Variants in ZNF253 observed in about 807,000 individuals in gnomAD.
The protein encoded by ZNF253 is DNA-binding protein.
Under a neutral mutation model 11.9 loss-of-function variants are expected in ZNF253, and 8 were observed. That is an observed-to-expected ratio of 0.67 (90% CI 0.40 to 1.22). ZNF253 has a LOEUF of 1.22. Among genes scored for constraint, ZNF253 ranks in the 50% most tolerant of loss-of-function variants. ZNF253 has a pLI of 0.01. For synonymous variants in ZNF253, 194 were observed against 194.9 expected (o/e 1.00, Z 0.04); for missense variants, 485 against 586.9 (o/e 0.83, Z 1.79).
At chr19:19,878,675 GT>G in intron 2 of ZNF253, 68 bp downstream of exon 2, 1 of 1,524,000 alleles carries the variant, frequency 6.6e-7, no homozygotes, top group Non-Finnish European at 8.8e-7. Flanking sequence ...TTTGTAGAAT[GT>G]TTGTTAGTAA....
At position 19,893,213 on chromosome 19, in the gene ZNF253, GGTGATCCAC is replaced by G. The variant is rs895586975; in HGVS notation, c.*467_*475del. ...GGCTGGTCTCGAACTCCTGACCTCA[GGTGATCCAC>G]CTGCCTTGGCCTTCCAAAGTGCTGG... On this transcript the variant is annotated 3_prime_UTR_variant, in exon 4 of 4. Coordinates refer to ENST00000589717, the MANE Select transcript of ZNF253 (RefSeq NM_021047.3). 6.3e-6 allele frequency: 1 copy of G among 159,010 alleles called. No homozygotes were observed. The highest frequency in any genetic ancestry group is 2.4e-5 in the African/African-American group (1 of 41,440). 9.8% of individuals were successfully genotyped at this position (159,010 alleles called of 1,614,324 possible). A position where few individuals can be genotyped will look rare whatever the true frequency, so the allele number is the denominator to read the frequency against.
At chr19:19,873,011 A>G (rs187717761) in intron 1 of ZNF253, among the ~76,000 whole-genome samples, 29 of 152,290 alleles carry the variant, frequency 1.9e-4, no homozygotes, top group African/African-American at 7.0e-4. Flanking sequence ...ACGTACAGAA[A>G]ACTAACAAAA....
At position 19,893,533 on chromosome 19, in the gene ZNF253, C is replaced by T. The variant is rs560556364; in HGVS notation, c.*786C>T. ...GGTGATAGAAGTCATACTGCCAAAA[C>T]TCCTGTAAGTGTGAAGAATGTGGCA... On this transcript the variant is annotated 3_prime_UTR_variant, in exon 4 of 4. Transcript: ENST00000589717. 1.3e-5 allele frequency: 2 copies of T among 152,232 alleles called. No individual in the cohort carries two copies. Among genetic ancestry groups the T allele is most frequent in the East Asian group, 3.9e-4 (2 of 5,180 alleles). The allele number at this position is 152,232 out of a possible 1,614,324, so 9.4% of individuals were successfully genotyped here.
chr19:19,883,006 T>G lies in ZNF253; in HGVS notation c.226+2860T>G, dbSNP rs141804226. On this transcript the variant is annotated intron_variant, in intron 3 of 3. Transcript: ENST00000589717. The stretch of plus-strand genomic sequence containing the variant: ...AAAAAGATAAATTATGCATGTTTAT[T>G]ACAATCAGATTACATATGTATGTGT... Among the ~76,000 whole-genome samples the G allele has an allele frequency of 2.0e-4, 31 of 152,288 alleles. 1 individual carries two copies. Among genetic ancestry groups the G allele is most frequent in the Admixed American group, 2.0e-3 (31 of 15,286 alleles).
rs779006453 is a variant in ZNF253, at chr19:19,892,506, G to A, written c.1259G>A (p.Gly420Glu). Residue 420 changes from glycine to glutamate, a missense_variant, in exon 4 of 4, where the codon GGA becomes GAA. By Grantham distance (98) the Gly-to-Glu change is moderately conservative. Transcript: ENST00000589717. The stretch of plus-strand genomic sequence containing the variant: ...TCCAAACATAAAAGAACTCATACTG[G>A]AGAGAAACCCTACAAATGTGAAGAA... ...ILSKHKRTHT[G>E]EKPYKCEECG... 1.9e-6 allele frequency: 3 copies of A among 1,613,742 alleles called. No individual in the cohort carries two copies. The Admixed American group carries it at 5.0e-5, about 27-fold the overall frequency.
intron 1 of ZNF253, among the ~76,000 whole-genome samples, chr19:19,866,877 G>T (rs1008088283): frequency 2.0e-5 from 3 of 152,166 alleles, no homozygotes; most frequent in Admixed American, 6.5e-5. Flanking sequence ...AATAAGGAAG[G>T]GGTTCGGGTC....
At position 19,872,577 on chromosome 19, in the gene ZNF253, A is replaced by ATATATATATATATATATATATATAT. The variant is rs1555777035; in HGVS notation, c.4-5901_4-5900insATATATATATATATATATATATTAT. The stretch of plus-strand genomic sequence containing the variant: ...AAACCATAACTATATATATATATAT[A>ATATATATATATATATATATATATAT]TATTATTATATATATATATATATAA... On this transcript the variant is annotated intron_variant, in intron 1 of 3. Coordinates refer to ENST00000589717, the MANE Select transcript of ZNF253 (RefSeq NM_021047.3). Among the ~76,000 whole-genome samples the ATATATATATATATATATATATATAT allele has an allele frequency of 1.6e-4, 17 of 106,780 alleles. 1 individual carries two copies. Among genetic ancestry groups the ATATATATATATATATATATATATAT allele is most frequent in the African/African-American group, 7.8e-4 (14 of 17,872 alleles). 70.1% of individuals were successfully genotyped at this position (106,780 alleles called of 152,430 possible).
In ZNF253 at chr19:19,884,667, TC is replaced by T. The variant is rs201440868; in HGVS notation, c.226+4522del. 6.1e-3 allele frequency among the ~76,000 whole-genome samples: 925 copies of T among 152,226 alleles called. 11 individuals are homozygous for T. The highest frequency in any genetic ancestry group is 0.02 in the African/African-American group (841 of 41,542). On this transcript the variant is annotated intron_variant, in intron 3 of 3. Coordinates refer to ENST00000589717, the MANE Select transcript of ZNF253 (RefSeq NM_021047.3). ...GATTACAGGCTTGAGCCACTACACTTCGCCTGTGTTATGTATTTTAGATATA... is the reference window on the plus strand; with the variant it reads ...GATTACAGGCTTGAGCCACTACACTTGCCTGTGTTATGTATTTTAGATATA...
chr19:19,885,219 C>CTT (rs1261887028), intron 3 of ZNF253, among the ~76,000 whole-genome samples: 1 of 51,132 alleles, frequency 2.0e-5, no homozygotes, highest in Non-Finnish European at 3.6e-5. Flanking sequence ...TTTTTGTATT[C>CTT]TTTCTTTCTT....
At chr19:19,875,277 A>T (rs1486709975) in intron 1 of ZNF253, among the ~76,000 whole-genome samples, 2 of 152,238 alleles carry the variant, frequency 1.3e-5, no homozygotes, top group Non-Finnish European at 2.9e-5. Context: ...GCTAACAGAG[A>T]CATTCTATTT....
chr19:19,872,577 A>ATATATATATATATATATAT (rs1555777035), intron 1 of ZNF253, among the ~76,000 whole-genome samples: 1 of 106,828 alleles, frequency 9.4e-6, no homozygotes, highest in Non-Finnish European at 1.7e-5. Context: ...ATATATATAT[A>ATATATATATATATATATAT]TATTATTATA....
intron 1 of ZNF253, among the ~76,000 whole-genome samples, chr19:19,875,508 G>T (rs1267678876): frequency 2.6e-5 from 4 of 151,986 alleles, no homozygotes; most frequent in African/African-American, 7.3e-5. Flanking sequence ...CCATTCTCCT[G>T]CCTCAGCCTC....
chr19:19,892,773 A>G lies in ZNF253; in HGVS notation c.*26A>G. The G allele has an allele frequency of 1.3e-6, 2 of 1,549,154 alleles. No individual in the cohort carries two copies. Among genetic ancestry groups the G allele is most frequent in the Non-Finnish European group, 1.7e-6 (2 of 1,151,482 alleles). ...TTCATACTGGAGAGAAACCCTATGA[A>G]TGTGATGAATGTGGGAAAGCCTTTA... On this transcript the variant is annotated 3_prime_UTR_variant, in exon 4 of 4. Coordinates refer to ENST00000589717, the MANE Select transcript of ZNF253 (RefSeq NM_021047.3).
rs2063243847 is a variant in ZNF253, at chr19:19,893,784, T to C, written c.*1037T>C. The stretch of plus-strand genomic sequence containing the variant: ...AGAATATTTATTCTGAAGACAGCCA[T>C]TACAAATATAAAGGGGGTTGTAGTG... On this transcript the variant is annotated 3_prime_UTR_variant, in exon 4 of 4. Coordinates refer to ENST00000589717, the MANE Select transcript of ZNF253 (RefSeq NM_021047.3). 1 of 152,182 alleles carries C rather than the reference T, an allele frequency of 6.6e-6. No homozygotes were observed. Among genetic ancestry groups the C allele is most frequent in the Non-Finnish European group, 1.5e-5 (1 of 68,022 alleles). 9.4% of individuals were successfully genotyped at this position (152,182 alleles called of 1,614,324 possible).
At chr19:19,882,192 TAAA>T (rs57408628) in intron 3 of ZNF253, among the ~76,000 whole-genome samples, 2 of 136,116 alleles carry the variant, frequency 1.5e-5, no homozygotes, top group African/African-American at 5.1e-5. Flanking sequence ...TCCGTCTCAA[TAAA>T]AAAAAAAAAA....
At chr19:19,884,156 T>C (rs2063189301) in intron 3 of ZNF253, among the ~76,000 whole-genome samples, 1 of 152,058 alleles carries the variant, frequency 6.6e-6, no homozygotes, top group Non-Finnish European at 1.5e-5. Flanking sequence ...TTCTCAATCT[T>C]CATCTTAAAA....
In ZNF253 at chr19:19,892,735, T is replaced by C. The variant is rs780033325; in HGVS notation, c.1488T>C (p.Ile496=). Residue 496 remains isoleucine (I), a synonymous_variant, in exon 4 of 4, where the codon ATT becomes ATC. Transcript: ENST00000589717. ...TDLLNVPPLL[I]SIR ...TTTTAAATGTTCCTCCACTTTTAAT[T>C]AGCATAAGATAATTCATACTGGAGA... 1 of 1,584,808 alleles carries C rather than the reference T, an allele frequency of 6.3e-7. No homozygotes were observed. The highest frequency in any genetic ancestry group is 1.2e-5 in the South Asian group (1 of 85,374).
chr19:19,865,845 T>TG (rs934912643), upstream of ZNF253: 33 of 994,974 alleles, frequency 3.3e-5, no homozygotes, highest in African/African-American at 2.7e-4. Context: ...ACATGGTTTC[T>TG]GGGGGCCTTT....
Position 19,866,227 on chromosome 19 carries a change from C to G in ZNF253, c.3+228C>G, listed in dbSNP as rs191240988. On this transcript the variant is annotated intron_variant, in intron 1 of 3. Coordinates refer to ENST00000589717, the MANE Select transcript of ZNF253 (RefSeq NM_021047.3). ...GGCCTGGAGCCCTCTTTCAGCAGCT[C>G]TGCACCCGCAGCACCGCGTCTCTCC... is the stretch of plus-strand genomic sequence containing the variant. Among the ~76,000 whole-genome samples the G allele has an allele frequency of 3.0e-3, 452 of 152,300 alleles. 1 individual carries two copies. Among genetic ancestry groups the G allele is most frequent in the Admixed American group, 5.5e-3 (84 of 15,300 alleles).
Sources: gnomAD v4.1 joint callset for allele counts (sites outside exome capture counted in the v4.1 genomes callset) on GRCh38, gnomAD v4.1.1 for gene constraint, MANE v1.5 for transcripts, NCBI Gene and HGNC (gene_info 2026-07-23, HGNC 2026-07-21) for gene names.